Variants in ADARB2 observed in about 807,000 individuals in gnomAD.
The protein encoded by ADARB2 is inactive double-stranded RNA-specific editase B2.
ADARB2 carries 25 observed loss-of-function variants against 62.2 expected under a neutral mutation model. That is an observed-to-expected ratio of 0.40 (90% CI 0.29 to 0.56). ADARB2 has a LOEUF of 0.56. Among genes scored for constraint, ADARB2 ranks in the 20% least tolerant of loss-of-function variants. The pLI is 0.43. For synonymous variants in ADARB2, 572 were observed against 500.8 expected, an observed-to-expected ratio of 1.14 and a Z score of -1.90; for missense variants, 1,071 against 1,077.4, an observed-to-expected ratio of 0.99 and a Z score of 0.08.
chr10:1,606,148 C>T lies in ADARB2; in HGVS notation c.100+130903G>A, dbSNP rs149475675. On this transcript the variant is annotated intron_variant, in intron 1 of 9. Transcript: ENST00000381312. Reference sequence around the variant, plus strand: ...TTCAGGTTCTCCATGTCTCTTCCCCCGCTCCTTCCTTTCCTGTTGCCCAAG... The same window carrying T: ...TTCAGGTTCTCCATGTCTCTTCCCCTGCTCCTTCCTTTCCTGTTGCCCAAG... Among the ~76,000 whole-genome samples the T allele has an allele frequency of 4.6e-3, 706 of 152,342 alleles. 6 individuals are homozygous for T. The highest frequency in any genetic ancestry group is 0.016 in the African/African-American group (660 of 41,574).
chr10:1,493,371 T>G (rs1412169856), intron 1 of ADARB2, among the ~76,000 whole-genome samples: 2 of 152,200 alleles, frequency 1.3e-5, no homozygotes, highest in Admixed American at 1.3e-4. Flanking sequence ...TTTGGGTATA[T>G]TTTTGTATTA....
Position 1,295,545 on chromosome 10 carries a change from C to T in ADARB2, c.1078-24476G>A, listed in dbSNP as rs192475880. On this transcript the variant is annotated intron_variant, in intron 3 of 9. Transcript: ENST00000381312. ...GGGAGGACAAGAGGACCCTGAGTGC[C>T]GCTCTCTCTGGTGGTGGGAGTCTGG... is the stretch of plus-strand genomic sequence containing the variant. 1.1e-3 allele frequency among the ~76,000 whole-genome samples: 161 copies of T among 152,056 alleles called. 1 individual carries two copies. Among genetic ancestry groups the T allele is most frequent in the Non-Finnish European group, 1.4e-3 (92 of 68,008 alleles).
rs1322029552 is a variant in ADARB2 at position 1,363,567 on chromosome 10, G to A, written c.538C>T (p.Arg180Cys). The change falls in exon 3 of 10, where the codon CGC (arginine) becomes TGC (cysteine). Residue 180 changes from arginine (R) to cysteine (C), a missense_variant. Arg to Cys is a radical substitution (Grantham distance 180). Coordinates refer to ENST00000381312, the MANE Select transcript of ADARB2 (RefSeq NM_018702.4). ...TGPTKKKAKMRAAELALRSFV... is the reference protein window; with the variant it reads ...TGPTKKKAKMCAAELALRSFV... ...GACCTGAGTGCCAGCTCCGCCGCGC[G>A]CATCTTGGCCTTCTTCTTGGTGGGG... 2 of 1,577,230 alleles carry A rather than the reference G, an allele frequency of 1.3e-6. No homozygotes were observed. The highest frequency in any genetic ancestry group is 1.1e-5 in the South Asian group (1 of 87,578).
At chr10:1,589,966 C>A (rs563685920) in intron 1 of ADARB2, among the ~76,000 whole-genome samples, 1 of 152,250 alleles carries the variant, frequency 6.6e-6, no homozygotes, top group Non-Finnish European at 1.5e-5. Flanking sequence ...GTCCTTCTGG[C>A]TTCAGCAGGT....
rs1276304150 is a variant in ADARB2 at position 1,516,090 on chromosome 10, C to A, written c.101-136930G>T. On this transcript the variant is annotated intron_variant, in intron 1 of 9. Transcript: ENST00000381312. The stretch of plus-strand genomic sequence containing the variant: ...CTACTGTCAATCAGACCAGGGGTGC[C>A]CTGACCACACCCTCTTCCCAGAGGA... Among the ~76,000 whole-genome samples, 4 of 152,206 alleles carry A rather than the reference C, an allele frequency of 2.6e-5. No individual in the cohort carries two copies. In the East Asian group the frequency reaches 7.7e-4, roughly 29 times the overall value.
chr10:1,449,215 C>T (rs1831009389), intron 1 of ADARB2, among the ~76,000 whole-genome samples: 1 of 152,208 alleles, frequency 6.6e-6, no homozygotes, highest in Non-Finnish European at 1.5e-5. Flanking sequence ...ACAACTGTCA[C>T]TTTCCCACAT....
chr10:1,340,375 CCA>C (rs1832013180), intron 3 of ADARB2, among the ~76,000 whole-genome samples: 3 of 27,000 alleles, frequency 1.1e-4, no homozygotes, highest in African/African-American at 1.6e-4. Context: ...CACCAGAGAA[CCA>C]CACGCCCCAC....
intron 1 of ADARB2, among the ~76,000 whole-genome samples, chr10:1,646,414 T>C (rs991859496): frequency 6.6e-6 from 1 of 152,232 alleles, no homozygotes; most frequent in Admixed American, 6.5e-5. Flanking sequence ...CCACAAACAA[T>C]GAACAGTGGT....
At position 1,483,507 on chromosome 10, in the gene ADARB2, C is replaced by T. The variant is rs141430150; in HGVS notation, c.101-104347G>A. ...AAACAATACTTAGCTCCCTAGAGAGCGAATACTTTTCAAGAGCATTTTTTT... is the reference window on the plus strand; with the variant it reads ...AAACAATACTTAGCTCCCTAGAGAGTGAATACTTTTCAAGAGCATTTTTTT... On this transcript the variant is annotated intron_variant, in intron 1 of 9. Transcript: ENST00000381312. Among the ~76,000 whole-genome samples the T allele has an allele frequency of 3.2e-4, 49 of 152,090 alleles. 1 individual carries two copies. Among genetic ancestry groups the T allele is most frequent in the African/African-American group, 1.1e-3 (45 of 41,392 alleles).
At chr10:1,419,085 C>G (rs1832831088) in intron 1 of ADARB2, among the ~76,000 whole-genome samples, 1 of 142,622 alleles carries the variant, frequency 7.0e-6, no homozygotes, top group Non-Finnish European at 1.5e-5. Context: ...CAAAAATGTA[C>G]AGTGATGTGT....
At chr10:1,480,262 G>A (rs1182307421) in intron 1 of ADARB2, among the ~76,000 whole-genome samples, 1 of 152,206 alleles carries the variant, frequency 6.6e-6, no homozygotes, top group Non-Finnish European at 1.5e-5. Context: ...CTGTTTGCAG[G>A]TGACCTGATA....
chr10:1,463,856 C>CA (rs66786047), intron 1 of ADARB2, among the ~76,000 whole-genome samples: 61,949 of 151,988 alleles, frequency 0.41, 13,110 homozygotes, highest in Middle Eastern at 0.51. Context: ...AATAACCCAA[C>CA]AAAAAATGGT....
intron 1 of ADARB2, among the ~76,000 whole-genome samples, chr10:1,588,007 C>A (rs561880770): frequency 6.6e-6 from 1 of 152,154 alleles, no homozygotes; most frequent in Non-Finnish European, 1.5e-5. Context: ...TACCCAGTCT[C>A]GGTTGCGTCT....
At chr10:1,308,961 T>G (rs1831658376) in intron 3 of ADARB2, among the ~76,000 whole-genome samples, 2 of 152,224 alleles carry the variant, frequency 1.3e-5, no homozygotes, top group Non-Finnish European at 2.9e-5. Flanking sequence ...ATGATCAAAT[T>G]CCATCAGATT....
At chr10:1,404,345 G>T (rs529844825) in intron 1 of ADARB2, among the ~76,000 whole-genome samples, 1 of 152,212 alleles carries the variant, frequency 6.6e-6, no homozygotes, top group Non-Finnish European at 1.5e-5. Context: ...ACCTGATGGG[G>T]CTAAGCATCT....
chr10:1,217,168 G>T, intron 6 of ADARB2, 49 bp from the exon 7 acceptor site: 1 of 1,487,210 alleles, frequency 6.7e-7, no homozygotes, highest in Non-Finnish European at 9.0e-7. Context: ...AGCCGCCTTG[G>T]TTTTGGGAGG....
chr10:1,323,327 C>G (rs916113746), intron 3 of ADARB2, among the ~76,000 whole-genome samples: 6 of 149,276 alleles, frequency 4.0e-5, no homozygotes, highest in African/African-American at 1.5e-4. Flanking sequence ...TCAAAGAAGA[C>G]CTAAATTAAT....
At chr10:1,569,921 CA>C (rs1478161097) in intron 1 of ADARB2, among the ~76,000 whole-genome samples, 1 of 151,966 alleles carries the variant, frequency 6.6e-6, no homozygotes, top group African/African-American at 2.4e-5. Flanking sequence ...TTATTTAAAT[CA>C]AAAAGGAAAC....
intron 1 of ADARB2, among the ~76,000 whole-genome samples, chr10:1,555,315 G>A (rs759652244): frequency 2.6e-5 from 4 of 152,194 alleles, no homozygotes; most frequent in Admixed American, 6.5e-5. Context: ...GTGGCTGAGC[G>A]AATTTACATT....
Sources: gnomAD v4.1 joint callset for allele counts (sites outside exome capture counted in the v4.1 genomes callset) on GRCh38, gnomAD v4.1.1 for gene constraint, MANE v1.5 for transcripts, NCBI Gene and HGNC (gene_info 2026-07-23, HGNC 2026-07-21) for gene names.